ELOVL2: variants seen among roughly 807,000 people sequenced by gnomAD.
The protein encoded by ELOVL2 is very long chain fatty acid elongase 2.
In ELOVL2, 38 loss-of-function variants were observed where a neutral mutation model predicts 37.7. The observed-to-expected ratio is 1.01, with a 90% CI of 0.78 to 1.32. The LOEUF is 1.32. Among genes scored for constraint, ELOVL2 ranks in the 40% most tolerant of loss-of-function variants. The pLI is 0.00. For missense variants in ELOVL2, 352 were observed against 363.6 expected, an observed-to-expected ratio of 0.97 and a Z score of 0.26; for synonymous variants, 115 against 122.3, an observed-to-expected ratio of 0.94 and a Z score of 0.40.
intron 6 of ELOVL2, among the ~76,000 whole-genome samples, 174 bp from the exon 7 acceptor site, chr6:10,990,011 T>C (rs1487931691): frequency 6.6e-6 from 1 of 152,232 alleles, no homozygotes; most frequent in Non-Finnish European, 1.5e-5. Flanking sequence ...GAAATTAGTA[T>C]GTGAAATTGC....
chr6:11,016,978 G>A (rs1782693752), intron 1 of ELOVL2, among the ~76,000 whole-genome samples: 1 of 152,194 alleles, frequency 6.6e-6, no homozygotes, highest in Non-Finnish European at 1.5e-5. Context: ...CTATTCTCTG[G>A]AGGGAGTAAT....
At chr6:11,039,392 G>A (rs1025192798) in intron 1 of ELOVL2, among the ~76,000 whole-genome samples, 1 of 152,158 alleles carries the variant, frequency 6.6e-6, no homozygotes, top group Non-Finnish European at 1.5e-5. Context: ...TATTGTGGTG[G>A]TGGTGGTGAT....
chr6:10,984,172 C>T (rs918869533), intron 7 of ELOVL2, among the ~76,000 whole-genome samples: 4 of 152,062 alleles, frequency 2.6e-5, no homozygotes, highest in African/African-American at 9.7e-5. Context: ...TGCACACCAC[C>T]ATGCCCGGCT....
intron 1 of ELOVL2, among the ~76,000 whole-genome samples, chr6:11,019,292 C>G (rs1325258520): frequency 2.6e-5 from 4 of 152,076 alleles, no homozygotes; most frequent in African/African-American, 9.7e-5. Context: ...AGTCCAAATT[C>G]CTAAATATAG....
intron 1 of ELOVL2, among the ~76,000 whole-genome samples, chr6:11,017,093 T>A (rs1782695516): frequency 2.0e-5 from 3 of 152,200 alleles, no homozygotes. Flanking sequence ...AGGCTGAAAC[T>A]GTCTACCTTA....
intron 3 of ELOVL2, among the ~76,000 whole-genome samples, chr6:11,004,237 T>C (rs1372950665): frequency 5.3e-5 from 8 of 152,172 alleles, no homozygotes; most frequent in Admixed American, 5.2e-4. Flanking sequence ...GAATAATGCA[T>C]AGAATAAACT....
At chr6:11,028,425 T>C (rs1782868849) in intron 1 of ELOVL2, among the ~76,000 whole-genome samples, 1 of 152,148 alleles carries the variant, frequency 6.6e-6, no homozygotes, top group Admixed American at 6.5e-5. Flanking sequence ...TGATCTGTGG[T>C]TGGGTGGCTT....
intron 1 of ELOVL2, among the ~76,000 whole-genome samples, chr6:11,020,789 C>T (rs1487049356): frequency 1.3e-5 from 2 of 152,128 alleles, no homozygotes; most frequent in African/African-American, 4.8e-5. Flanking sequence ...TTTACAAAAA[C>T]CAAAGCTCTA....
chr6:10,990,727 G>A (rs16870885), intron 5 of ELOVL2, among the ~76,000 whole-genome samples: 13,033 of 150,846 alleles, frequency 0.086, 1,803 homozygotes, highest in African/African-American at 0.29. Flanking sequence ...CTCTTTAACC[G>A]TCACTACTAT....
intron 7 of ELOVL2, among the ~76,000 whole-genome samples, chr6:10,987,082 G>C (rs1258184075): frequency 6.6e-6 from 1 of 152,202 alleles, no homozygotes; most frequent in East Asian, 1.9e-4. Context: ...TCTTGGGAGG[G>C]TGTATGTGTC....
chr6:11,043,425 A>ACACACACACAGCTTACTGTCAGGCAGTT (rs1783135084), intron 1 of ELOVL2: 1 of 153,824 alleles, frequency 6.5e-6, no homozygotes, highest in Admixed American at 6.7e-5. Flanking sequence ...ACACACACAC[A>ACACACACACAGCTTACTGTCAGGCAGTT]CACACACAGC....
At chr6:11,029,703 A>T (rs954169839) in intron 1 of ELOVL2, among the ~76,000 whole-genome samples, 3 of 152,244 alleles carry the variant, frequency 2.0e-5, no homozygotes, top group African/African-American at 7.2e-5. Flanking sequence ...AAGGGAGAAT[A>T]ACAAAATTCC....
chr6:10,984,614 G>A (rs1244197014), intron 7 of ELOVL2, among the ~76,000 whole-genome samples: 1 of 147,280 alleles, frequency 6.8e-6, no homozygotes, highest in Middle Eastern at 3.3e-3. Flanking sequence ...TGCGGTGTTT[G>A]GTTTTTTGTT....
chr6:11,039,471 A>G (rs1311827060), intron 1 of ELOVL2, among the ~76,000 whole-genome samples: 1 of 152,194 alleles, frequency 6.6e-6, no homozygotes, highest in Non-Finnish European at 1.5e-5. Flanking sequence ...ATAGTTGTAC[A>G]TATTCCCAGG....
intron 7 of ELOVL2, among the ~76,000 whole-genome samples, chr6:10,984,269 C>T (rs573026125): frequency 3.3e-5 from 5 of 152,262 alleles, no homozygotes; most frequent in South Asian, 2.1e-4. Flanking sequence ...CCACCCGCCT[C>T]GGCCTCCCAA....
intron 1 of ELOVL2, among the ~76,000 whole-genome samples, chr6:11,030,261 A>G (rs562512953): frequency 1.3e-5 from 2 of 152,226 alleles, no homozygotes; most frequent in South Asian, 4.2e-4. Flanking sequence ...GCCAAGAAGG[A>G]AGGATTAGGG....
intron 4 of ELOVL2, 123 bp downstream of exon 4, chr6:10,999,964 A>G (rs1179794419): frequency 1.7e-5 from 14 of 818,464 alleles, no homozygotes; most frequent in Non-Finnish European, 2.4e-5. Flanking sequence ...AAGCATTTCT[A>G]TTAGAACAGG....
intron 4 of ELOVL2, among the ~76,000 whole-genome samples, chr6:10,998,659 G>A (rs1782317132): frequency 6.6e-6 from 1 of 152,080 alleles, no homozygotes; most frequent in Non-Finnish European, 1.5e-5. Context: ...TTGTAGTCCT[G>A]GATAGCTGCT....
At chr6:11,038,012 C>T (rs1339562056) in intron 1 of ELOVL2, among the ~76,000 whole-genome samples, 1 of 152,150 alleles carries the variant, frequency 6.6e-6, no homozygotes, top group Non-Finnish European at 1.5e-5. Context: ...CTGCCTTTCT[C>T]AAAGGCTAAG....
Sources: allele counts gnomAD v4.1 joint callset (sites outside exome capture counted in the v4.1 genomes callset), GRCh38; gene constraint gnomAD v4.1.1; transcripts MANE v1.5; gene names NCBI Gene and HGNC (gene_info 2026-07-23, HGNC 2026-07-21).